Variants in DAAM2 observed in about 807,000 individuals in gnomAD.
DAAM2 encodes disheveled-associated activator of morphogenesis 2.
DAAM2 carries 39 observed loss-of-function variants against 120.7 expected under a neutral mutation model. The observed-to-expected ratio is 0.32, with a 90% confidence interval of 0.25 to 0.42. The LOEUF (loss-of-function observed/expected upper bound fraction) is 0.42, where lower values mean the gene tolerates loss of function less well. Ranked by LOEUF, DAAM2 falls within the 10% of genes least tolerant of loss-of-function variation. The probability of loss-of-function intolerance (pLI) is 1.00; values close to 1 mark genes in which losing one functional copy is unlikely to be tolerated. For missense variants in DAAM2, 1,283 were observed against 1,401.7 expected (o/e 0.92, Z 1.35); for synonymous variants, 488 against 524.9 (o/e 0.93, Z 0.96).
chr6:39,883,920 G>A, intron 14 of DAAM2, 42 bp from the exon 15 acceptor site: 1 of 1,378,946 alleles, frequency 7.3e-7, no homozygotes, highest in Non-Finnish European at 1.0e-6. Flanking sequence ...TCATGATGGA[G>A]TTGGGCCAAC....
In DAAM2 at chr6:39,880,333, C is replaced by T. The variant is rs114464043; in HGVS notation, c.1845+856C>T. Among the ~76,000 whole-genome samples the T allele has an allele frequency of 9.7e-3, 1,484 of 152,292 alleles. 9 individuals carry two copies. Among genetic ancestry groups the T allele is most frequent in the African/African-American group, 0.033 (1,380 of 41,556 alleles). On this transcript the variant is annotated intron_variant, in intron 14 of 24. Coordinates refer to ENST00000274867, the MANE Select transcript of DAAM2 (RefSeq NM_001201427.2). Reference sequence around the variant, plus strand: ...ATAACTGTACCATGTGTTTGAGCTTCAGTGAGCTCAAATGCAGAGTCAAGT... The same window carrying T: ...ATAACTGTACCATGTGTTTGAGCTTTAGTGAGCTCAAATGCAGAGTCAAGT...
At chr6:39,845,005 C>T (rs969408357) in intron 1 of DAAM2, among the ~76,000 whole-genome samples, 1 of 148,840 alleles carries the variant, frequency 6.7e-6, no homozygotes, top group Admixed American at 6.7e-5. Context: ...ACACACCACA[C>T]ATACACACCC....
intron 1 of DAAM2, among the ~76,000 whole-genome samples, chr6:39,847,866 A>C (rs1437980507): frequency 6.6e-6 from 1 of 152,118 alleles, no homozygotes; most frequent in African/African-American, 2.4e-5. Flanking sequence ...CCATAAGTCA[A>C]GGAACTAATC....
intron 1 of DAAM2, chr6:39,848,445 A>C (rs953798024): frequency 6.6e-6 from 1 of 152,144 alleles, no homozygotes; most frequent in Non-Finnish European, 1.5e-5. Context: ...ATTTCTCAAA[A>C]TGAGAAAAAC....
chr6:39,886,161 T>G, intron 15 of DAAM2: 1 of 366,566 alleles, frequency 2.7e-6, no homozygotes, highest in Non-Finnish European at 4.8e-6. Flanking sequence ...AACTGGGGAG[T>G]GGTGGTCGCA....
intron 1 of DAAM2, among the ~76,000 whole-genome samples, chr6:39,834,684 A>T (rs1582643749): frequency 6.6e-6 from 1 of 152,234 alleles, no homozygotes; most frequent in Non-Finnish European, 1.5e-5. Flanking sequence ...AATCAGCATC[A>T]TGCTATTGGT....
intron 2 of DAAM2, among the ~76,000 whole-genome samples, chr6:39,860,030 A>G (rs902081044): frequency 1.3e-5 from 2 of 152,230 alleles, no homozygotes; most frequent in Admixed American, 6.5e-5. Context: ...AAAAAAGCAC[A>G]CTATGGTCTC....
rs559001606 is a variant in DAAM2 at position 39,855,957 on chromosome 6, C to T, written c.-56-290C>T. On this transcript the variant is annotated intron_variant, in intron 1 of 24. Transcript: ENST00000274867. ...CACATGGAAGTCACATTCAGTGACC[C>T]CAGCCTTTGTCCTTCTCTGAGGGCA... The T allele has an allele frequency of 3.4e-6, 3 of 872,950 alleles. No individual in the cohort carries two copies. In the South Asian group the frequency reaches 1.6e-4, roughly 46 times the overall value. 54.1% of individuals were successfully genotyped at this position (872,950 alleles called of 1,614,324 possible).
At chr6:39,888,852 G>T (rs752536692) in intron 17 of DAAM2, 89 bp downstream of exon 17, 6 of 936,698 alleles carry the variant, frequency 6.4e-6, no homozygotes, top group Non-Finnish European at 8.1e-6. Context: ...GCGATTCTTG[G>T]GTCAAGGAGA....
rs372703847 is a variant in DAAM2 at position 39,878,574 on chromosome 6, C to T, written c.1531C>T (p.Leu511Phe). The T allele has an allele frequency of 5.6e-6, 9 of 1,604,870 alleles. No homozygotes were observed. The highest frequency in any genetic ancestry group is 1.3e-5 in the African/African-American group (1 of 74,604). Residue 511 changes from leucine to phenylalanine, a missense_variant, in exon 13 of 25, where the codon CTC (leucine) becomes TTC (phenylalanine). Transcript: ENST00000274867. This position sits in a 1 kb window ranked among gnomAD's most constrained non-coding sequence, Gnocchi z 5.0. ...ACAAGTGGCAGAGCTGGTAGCCCAGCTCAGTGAACTCTCAGTATGCAAGCA... is the reference window on the plus strand; with the variant it reads ...ACAAGTGGCAGAGCTGGTAGCCCAGTTCAGTGAACTCTCAGTATGCAAGCA... ...RGQVAELVAQ[L>F]SELSTGPVSS... is the part of the protein sequence containing the mutation.
chr6:39,888,944 AGTGTTCTCCAG>A, intron 17 of DAAM2, 181 bp downstream of exon 17: 1 of 410,212 alleles, frequency 2.4e-6, no homozygotes, highest in Non-Finnish European at 4.4e-6. Flanking sequence ...GAAAAGGCTA[AGTGTTCTCCAG>A]GAGTCATTCT....
chr6:39,893,141 A>G (rs972184580), intron 19 of DAAM2, among the ~76,000 whole-genome samples: 1 of 152,250 alleles, frequency 6.6e-6, no homozygotes, highest in African/African-American at 2.4e-5. Flanking sequence ...AGCAATTGCC[A>G]TTTGGAGATT....
chr6:39,843,776 G>C (rs9462577), intron 1 of DAAM2, among the ~76,000 whole-genome samples: 71,890 of 151,958 alleles, frequency 0.47, 17,273 homozygotes, highest in East Asian at 0.63. Context: ...CTGCCTGTGA[G>C]TAGGTACAGG....
rs912030781 is a variant in DAAM2, at chr6:39,904,134, G to A, written c.*2097G>A. ...CATTCCCACCCACCATGGAAGACTG[G>A]ATACGCACCTGGAAACAAAAGGACT... is the stretch of plus-strand genomic sequence containing the variant. On this transcript the variant is annotated 3_prime_UTR_variant, in exon 25 of 25. Transcript: ENST00000274867. The A allele has an allele frequency of 2.2e-6, 1 of 453,640 alleles. No homozygotes were observed. Among genetic ancestry groups the A allele is most frequent in the Non-Finnish European group, 4.4e-6 (1 of 225,406 alleles). The allele number at this position is 453,640 out of a possible 1,614,324, so 28.1% of individuals were successfully genotyped here.
intron 17 of DAAM2, among the ~76,000 whole-genome samples, chr6:39,890,415 T>A (rs2149355628): frequency 6.6e-6 from 1 of 152,316 alleles, no homozygotes; most frequent in South Asian, 2.1e-4. Context: ...AAGTAGACTG[T>A]GGTATATTCA....
Position 39,875,267 on chromosome 6 carries a change from C to G in DAAM2, c.1163-63C>G, listed in dbSNP as rs1394777633. ...ACCAGCCAGACCCCAGGCAGCAACT[C>G]TAGGGTGGGGCCCAAGGGGGACTTC... On this transcript the variant is annotated intron_variant, in intron 10 of 24. Coordinates refer to ENST00000274867, the MANE Select transcript of DAAM2 (RefSeq NM_001201427.2). 2.3e-5 allele frequency: 36 copies of G among 1,567,990 alleles called. No individual in the cohort carries two copies. In the South Asian group the frequency reaches 2.7e-4, roughly 12 times the overall value.
At chr6:39,849,652 T>C (rs751429213) in intron 1 of DAAM2, among the ~76,000 whole-genome samples, 19 of 152,098 alleles carry the variant, frequency 1.2e-4, no homozygotes, top group Admixed American at 2.6e-4. Flanking sequence ...AGTTGGGTGA[T>C]GGTAATTCAA....
At chr6:39,889,543 C>G (rs541067790) in intron 17 of DAAM2, among the ~76,000 whole-genome samples, 39 of 152,232 alleles carry the variant, frequency 2.6e-4, no homozygotes, top group Middle Eastern at 6.8e-3. Flanking sequence ...TAATCCCACT[C>G]TTAGGTATAA....
Position 39,901,708 on chromosome 6 carries a change from C to T in DAAM2, c.2983-105C>T, listed in dbSNP as rs188998316. 57 of 1,130,318 alleles carry T rather than the reference C, an allele frequency of 5.0e-5. No individual in the cohort carries two copies. In the East Asian group the frequency reaches 1.4e-3, roughly 29 times the overall value. The allele number at this position is 1,130,318 out of a possible 1,614,324, so 70.0% of individuals were successfully genotyped here. A position where few individuals can be genotyped will look rare whatever the true frequency, so the allele number is the denominator to read the frequency against. On this transcript the variant is annotated intron_variant, in intron 24 of 24. Transcript: ENST00000274867. This position sits in a 1 kb window ranked among gnomAD's most constrained non-coding sequence, Gnocchi z 4.5. ...AGAAAGTGGGGCCAACAGATACAGGCAGGCAGCATGACCATGGCCTAGGAG... is the reference window on the plus strand; with the variant it reads ...AGAAAGTGGGGCCAACAGATACAGGTAGGCAGCATGACCATGGCCTAGGAG...
Sources: gnomAD v4.1 joint callset for allele counts (sites outside exome capture counted in the v4.1 genomes callset) on GRCh38, gnomAD v4.1.1 for gene constraint, Gnocchi (gnomAD v3.1) non-coding constraint, MANE v1.5 for transcripts, NCBI Gene and HGNC (gene_info 2026-07-23, HGNC 2026-07-21) for gene names.